The following FER1L6 variants were observed in gnomAD, a reference collection of about 807,000 sequenced individuals.
The protein encoded by FER1L6 is fer-1 like family member 6.
FER1L6 carries 177 observed loss-of-function variants against 219.2 expected under a neutral mutation model. The ratio of observed to expected loss-of-function variants is 0.81; its 90% CI spans 0.71 to 0.91. The LOEUF (loss-of-function observed/expected upper bound fraction) is 0.91. FER1L6 is among the 40% of genes least tolerant of loss of function. FER1L6 has a pLI of 0.00. For missense variants in FER1L6, 2,153 were observed against 2,259.9 expected (o/e 0.95, Z 0.96); for synonymous variants, 768 against 824.3 (o/e 0.93, Z 1.17).
chr8:123,963,068 T>C (rs1201610770), intron 2 of FER1L6, among the ~76,000 whole-genome samples: 1 of 152,244 alleles, frequency 6.6e-6, no homozygotes. Flanking sequence ...CTGTTCTTTT[T>C]TGGAAACAGA....
rs13278430 is a variant in FER1L6 at position 124,119,993 on chromosome 8, C to T, written c.*203C>T. 331,537 of 488,758 alleles carry T rather than the reference C, an allele frequency of 0.68. 115,311 individuals are homozygous for T. Among genetic ancestry groups the T allele is most frequent in the Non-Finnish European group, 0.74 (210,458 of 283,746 alleles). The allele number at this position is 488,758 out of a possible 1,614,324, so 30.3% of individuals were successfully genotyped here. A position where few individuals can be genotyped will look rare whatever the true frequency, so the allele number is the denominator to read the frequency against. On this transcript the variant is annotated 3_prime_UTR_variant, in exon 41 of 41. Transcript: ENST00000522917. The stretch of plus-strand genomic sequence containing the variant: ...TTCAAACTTGTAAGGCATGTTTTAT[C>T]CCTTGGGCAGCATGAAATAAGGCAC...
At chr8:123,953,041 C>A (rs1464712321) in intron 1 of FER1L6, among the ~76,000 whole-genome samples, 1 of 152,166 alleles carries the variant, frequency 6.6e-6, no homozygotes, top group African/African-American at 2.4e-5. Context: ...CAAGCTGAAC[C>A]CTGTGTCACG....
At position 123,919,317 on chromosome 8, in the gene FER1L6, C is replaced by T. The variant is rs150168441; in HGVS notation, c.-7-36675C>T. 1.9e-3 allele frequency among the ~76,000 whole-genome samples: 294 copies of T among 152,314 alleles called. 1 individual carries two copies. The highest frequency in any genetic ancestry group is 3.0e-3 in the Non-Finnish European group (203 of 68,020). ...AGGTTTGCTTATTTCCTTAACTGGT[C>T]CAGGCTGGGCTTCCTTGTAGGGAGG... On this transcript the variant is annotated intron_variant, in intron 1 of 40. Coordinates refer to ENST00000522917, the MANE Select transcript of FER1L6 (RefSeq NM_001039112.2).
At position 123,963,393 on chromosome 8, in the gene FER1L6, G is replaced by A; in HGVS notation, c.192G>A (p.Lys64=). 3.1e-6 allele frequency: 5 copies of A among 1,614,044 alleles called. No homozygotes were observed. The highest frequency in any genetic ancestry group is 1.3e-5 in the African/African-American group (1 of 75,046). The change falls in exon 3 of 41, where the codon AAG becomes AAA. Residue 64 remains lysine, a synonymous_variant. Transcript: ENST00000522917. ...SIFPVPSASP[K]RRSKLLTKIH... Reference sequence around the variant, plus strand: ...TTCCTGTCCCCTCAGCTTCTCCAAAGAGAAGGTACAGTATGGATGCAGGTG... The same window carrying A: ...TTCCTGTCCCCTCAGCTTCTCCAAAAAGAAGGTACAGTATGGATGCAGGTG...
At chr8:124,007,950 C>CT (rs1563739621) in intron 13 of FER1L6, among the ~76,000 whole-genome samples, 4 of 152,138 alleles carry the variant, frequency 2.6e-5, no homozygotes, top group Admixed American at 2.6e-4. Context: ...TTAAAATTGC[C>CT]TTTTTCCATA....
chr8:123,933,723 T>G (rs1813873716), intron 1 of FER1L6, among the ~76,000 whole-genome samples: 1 of 152,246 alleles, frequency 6.6e-6, no homozygotes, highest in Admixed American at 6.5e-5. Flanking sequence ...TAACTATCAC[T>G]CAGATCTAGA....
chr8:123,893,126 T>C (rs1481779271), intron 1 of FER1L6, among the ~76,000 whole-genome samples: 1 of 152,192 alleles, frequency 6.6e-6, no homozygotes, highest in African/African-American at 2.4e-5. Flanking sequence ...TCCTAAGGCT[T>C]TTGTTATCCA....
chr8:124,109,166 A>C (rs1234330851), intron 39 of FER1L6, among the ~76,000 whole-genome samples: 1 of 152,188 alleles, frequency 6.6e-6, no homozygotes. Context: ...CGTCCAATAA[A>C]GTGGTGAGGC....
chr8:123,985,301 T>C (rs1022223768), intron 11 of FER1L6: 1 of 152,244 alleles, frequency 6.6e-6, no homozygotes, highest in Non-Finnish European at 1.5e-5. Flanking sequence ...CCTGTGATTC[T>C]GGGACCTGTG....
intron 39 of FER1L6, among the ~76,000 whole-genome samples, chr8:124,106,357 A>G (rs983602706): frequency 4.0e-5 from 5 of 124,000 alleles, no homozygotes; most frequent in Non-Finnish European, 1.7e-5. Flanking sequence ...AAAAAAAAAA[A>G]AAAACAGAGT....
At chr8:123,866,058 A>G (rs368452882) in intron 1 of FER1L6, among the ~76,000 whole-genome samples, 1 of 151,742 alleles carries the variant, frequency 6.6e-6, no homozygotes, top group Non-Finnish European at 1.5e-5. Flanking sequence ...GGTTGGTTCC[A>G]AGTCTTTGCT....
At chr8:124,098,910 A>G (rs191982159) in intron 37 of FER1L6, among the ~76,000 whole-genome samples, 12 of 152,150 alleles carry the variant, frequency 7.9e-5, no homozygotes, top group Non-Finnish European at 1.8e-4. Context: ...AGTGCTCTCC[A>G]TTTTGCTAAA....
intron 22 of FER1L6, among the ~76,000 whole-genome samples, chr8:124,051,791 C>T (rs891568379): frequency 1.3e-5 from 2 of 152,182 alleles, no homozygotes; most frequent in African/African-American, 4.8e-5. Context: ...CCCAGGTCTA[C>T]AGCCTTGGGG....
At chr8:124,083,596 A>G (rs1277279873) in intron 33 of FER1L6, among the ~76,000 whole-genome samples, 1 of 151,046 alleles carries the variant, frequency 6.6e-6, no homozygotes, top group African/African-American at 2.4e-5. Context: ...CAAGAAAAGA[A>G]CTATAAAAAG....
intron 20 of FER1L6, among the ~76,000 whole-genome samples, chr8:124,043,535 T>C (rs1286890185): frequency 6.6e-6 from 1 of 152,228 alleles, no homozygotes; most frequent in Non-Finnish European, 1.5e-5. Flanking sequence ...CAGAGTATCT[T>C]ATCCTCTGGA....
intron 1 of FER1L6, among the ~76,000 whole-genome samples, chr8:123,869,451 A>G (rs1276300016): frequency 6.6e-6 from 1 of 152,080 alleles, no homozygotes; most frequent in Non-Finnish European, 1.5e-5. Flanking sequence ...CATAATTTCT[A>G]CTTTTTTGCT....
intron 38 of FER1L6, among the ~76,000 whole-genome samples, chr8:124,101,910 G>C (rs1355861648): frequency 6.6e-6 from 1 of 152,164 alleles, no homozygotes; most frequent in Admixed American, 6.5e-5. Context: ...ATGTATGTTA[G>C]CGACAACTGG....
chr8:124,083,350 G>A (rs1821651218), intron 33 of FER1L6, among the ~76,000 whole-genome samples: 1 of 151,964 alleles, frequency 6.6e-6, no homozygotes, highest in Non-Finnish European at 1.5e-5. Flanking sequence ...TCTGTGCCTG[G>A]TTTATTTTTC....
chr8:123,892,293 ATT>A (rs1008824407), intron 1 of FER1L6, among the ~76,000 whole-genome samples: 1 of 149,944 alleles, frequency 6.7e-6, no homozygotes, highest in Non-Finnish European at 1.5e-5. Context: ...GGAAAGACAG[ATT>A]TTTTTTTTCT....
Sources: allele counts gnomAD v4.1 joint callset (sites outside exome capture counted in the v4.1 genomes callset), GRCh38; gene constraint gnomAD v4.1.1; transcripts MANE v1.5; gene names NCBI Gene and HGNC (gene_info 2026-07-23, HGNC 2026-07-21).